Variants in SORBS2 observed in about 807,000 individuals in gnomAD.
The protein encoded by SORBS2 is sorbin and SH3 domain-containing protein 2.
SORBS2 carries 46 observed loss-of-function variants against 97.7 expected under a neutral mutation model. That is an observed-to-expected ratio of 0.47 (90% CI 0.37 to 0.60). The LOEUF is 0.60. Among genes scored for constraint, SORBS2 ranks in the 20% least tolerant of loss-of-function variants. The pLI is 0.00. For missense variants in SORBS2, 1,316 were observed against 1,282.3 expected, an observed-to-expected ratio of 1.03 and a Z score of -0.40; for synonymous variants, 476 against 473.4, an observed-to-expected ratio of 1.01 and a Z score of -0.07.
intron 2 of SORBS2, among the ~76,000 whole-genome samples, chr4:185,749,769 A>G (rs1231248564): frequency 1.3e-5 from 2 of 152,256 alleles, no homozygotes; most frequent in Admixed American, 6.5e-5. Flanking sequence ...GCTCATTTAG[A>G]GAAAACAAAT....
At chr4:185,802,139 T>C (rs6839142) in intron 1 of SORBS2, among the ~76,000 whole-genome samples, 150,731 of 152,364 alleles carry the variant, frequency 0.99, 74,579 homozygotes, top group Middle Eastern at 1. Context: ...GGAACTCCAT[T>C]GCTTAAGACG....
chr4:185,687,268 T>A (rs1046213607), intron 2 of SORBS2, among the ~76,000 whole-genome samples: 2 of 152,140 alleles, frequency 1.3e-5, no homozygotes, highest in Non-Finnish European at 2.9e-5. Context: ...GGTCAAGCGA[T>A]CCTCCTGGCT....
rs531023229 is a variant in SORBS2, at chr4:185,828,158, G to A, written c.-337-52792C>T. Among the ~76,000 whole-genome samples, 4 of 152,332 alleles carry A rather than the reference G, an allele frequency of 2.6e-5. No homozygotes were observed. The East Asian group carries it at 7.7e-4, about 29-fold the overall frequency. On this transcript the variant is annotated intron_variant, in intron 1 of 20. Coordinates refer to the SORBS2 transcript ENST00000284776. The stretch of plus-strand genomic sequence containing the variant: ...ATCATATCTGTAAGGGAGCAGGAGA[G>A]GAAAAATTGGACAAAGGGAGAAAGT...
intron 1 of SORBS2, among the ~76,000 whole-genome samples, chr4:185,937,461 A>G (rs1371832707): frequency 3.9e-5 from 6 of 152,192 alleles, no homozygotes; most frequent in African/African-American, 1.4e-4. Context: ...TAATGCCTCA[A>G]TCTTAAGGTT....
At chr4:185,848,370 G>T (rs76699880) in intron 1 of SORBS2, among the ~76,000 whole-genome samples, 4 of 152,226 alleles carry the variant, frequency 2.6e-5, no homozygotes, top group Non-Finnish European at 5.9e-5. Flanking sequence ...TTTAGTTCAT[G>T]AAATCCTTTG....
At chr4:185,659,281 G>C (rs1025916769), upstream of SORBS2, among the ~76,000 whole-genome samples, 3 of 152,284 alleles carry the variant, frequency 2.0e-5, no homozygotes, top group Admixed American at 6.5e-5. Flanking sequence ...TTTCAACACT[G>C]AATCAGTGCT....
intron 1 of SORBS2, among the ~76,000 whole-genome samples, chr4:185,866,570 G>T (rs538459176): frequency 6.8e-4 from 104 of 152,284 alleles, no homozygotes; most frequent in Non-Finnish European, 1.3e-3. Context: ...GGATTCGCTT[G>T]CTTTAGTTCA....
At chr4:185,629,804 T>G (rs13144216) in intron 5 of SORBS2, among the ~76,000 whole-genome samples, 73,888 of 151,676 alleles carry the variant, frequency 0.49, 18,394 homozygotes, top group African/African-American at 0.58. Context: ...CTCATGATCT[T>G]CCCCCCTCAG....
Position 185,638,250 on chromosome 4 carries a change from C to T in SORBS2, c.397-7652G>A. On this transcript the variant is annotated intron_variant, in intron 4 of 14. Transcript: ENST00000418609. ...GTGTGGCATGAAAAACTCACGCGCG[C>T]ATTGACACGCAAACATGCATCAACT... The T allele has an allele frequency of 5.0e-6, 4 of 800,738 alleles. No homozygotes were observed. In the South Asian group the frequency reaches 5.6e-5, roughly 11 times the overall value. 49.6% of individuals were successfully genotyped at this position (800,738 alleles called of 1,614,324 possible).
At chr4:185,897,274 G>C (rs2099245495) in intron 1 of SORBS2, among the ~76,000 whole-genome samples, 1 of 152,188 alleles carries the variant, frequency 6.6e-6, no homozygotes. Context: ...TTGAGTGTAG[G>C]TATGAGATCC....
Position 185,606,983 on chromosome 4 carries a change from G to C in SORBS2, c.2796+4797C>G, listed in dbSNP as rs937294161. The C allele has an allele frequency of 4.2e-5, 42 of 996,218 alleles. No individual in the cohort carries two copies. Among genetic ancestry groups the C allele is most frequent in the Non-Finnish European group, 4.8e-5 (40 of 836,252 alleles). The allele number at this position is 996,218 out of a possible 1,614,324, so 61.7% of individuals were successfully genotyped here. On this transcript the variant is annotated intron_variant, in intron 12 of 14. Transcript: ENST00000418609. This position sits in a 1 kb window ranked among gnomAD's most constrained non-coding sequence, Gnocchi z 4.3. ...CTTTGAGTTGTCGTTCTGGGATCCT[G>C]AAGAGGCTCTGCATGGTAAGGCTGG... is the stretch of plus-strand genomic sequence containing the variant.
At chr4:185,681,661 G>A (rs1461992069) in intron 2 of SORBS2, among the ~76,000 whole-genome samples, 1 of 152,168 alleles carries the variant, frequency 6.6e-6, no homozygotes, top group Non-Finnish European at 1.5e-5. Flanking sequence ...ATAGGGTCTT[G>A]AAGAATGAAG....
intron 2 of SORBS2, among the ~76,000 whole-genome samples, chr4:185,700,665 C>T (rs1392162406): frequency 6.6e-6 from 1 of 152,142 alleles, no homozygotes; most frequent in African/African-American, 2.4e-5. Flanking sequence ...TTTTAACCAT[C>T]TGGTTCACAA....
chr4:185,739,948 T>C (rs994403728), intron 2 of SORBS2: 4 of 152,592 alleles, frequency 2.6e-5, no homozygotes, highest in African/African-American at 9.7e-5. Context: ...CCCTCATGCA[T>C]GGGGAAATTG....
At chr4:185,655,397 C>T (rs1417322463) in intron 1 of SORBS2, among the ~76,000 whole-genome samples, 2 of 152,188 alleles carry the variant, frequency 1.3e-5, no homozygotes, top group Non-Finnish European at 2.9e-5. Context: ...AGAGTCTTGG[C>T]CTGCTGTGGC....
intron 1 of SORBS2, among the ~76,000 whole-genome samples, chr4:185,918,928 C>G (rs1486920776): frequency 1.3e-5 from 2 of 152,166 alleles, no homozygotes. Flanking sequence ...ATACATGTAA[C>G]TGGAATGAGT....
At chr4:185,595,758 G>T (rs1408338597) in intron 12 of SORBS2, among the ~76,000 whole-genome samples, 13 of 144,006 alleles carry the variant, frequency 9.0e-5, no homozygotes, top group Non-Finnish European at 1.6e-4. Flanking sequence ...AGTTAGAATT[G>T]GTCTAGTCTT....
chr4:185,870,585 G>T (rs1177976477), intron 1 of SORBS2, among the ~76,000 whole-genome samples: 1 of 152,246 alleles, frequency 6.6e-6, no homozygotes, highest in Non-Finnish European at 1.5e-5. Flanking sequence ...TCTGAGGTTG[G>T]CACGTTGGAC....
Position 185,940,332 on chromosome 4 carries a change from T to C in SORBS2, c.-338+15864A>G, listed in dbSNP as rs115752547. Reference sequence around the variant, plus strand: ...CGGCCTAGACAGAATTACTGATTTATTAAACTCCTTCCTCATAAATGTGCT... The same window carrying C: ...CGGCCTAGACAGAATTACTGATTTACTAAACTCCTTCCTCATAAATGTGCT... On this transcript the variant is annotated intron_variant, in intron 1 of 20. Coordinates refer to the SORBS2 transcript ENST00000284776. Among the ~76,000 whole-genome samples, 1,301 of 152,324 alleles carry C rather than the reference T, an allele frequency of 8.5e-3. 12 individuals are homozygous for C. Among genetic ancestry groups the C allele is most frequent in the Non-Finnish European group, 0.014 (980 of 68,034 alleles).
Sources: gnomAD v4.1 joint callset for allele counts (sites outside exome capture counted in the v4.1 genomes callset) on GRCh38, gnomAD v4.1.1 for gene constraint, Gnocchi (gnomAD v3.1) non-coding constraint, MANE v1.5 for transcripts, NCBI Gene and HGNC (gene_info 2026-07-23, HGNC 2026-07-21) for gene names.